ACER1: variants seen among roughly 807,000 people sequenced by gnomAD.
ACER1 encodes the protein CTB-180A7.3.
Under a neutral mutation model 24.9 loss-of-function variants are expected in ACER1, and 28 were observed. The ratio of observed to expected loss-of-function variants is 1.13; its 90% CI spans 0.83 to 1.54. The LOEUF (loss-of-function observed/expected upper bound fraction) is 1.54. ACER1 is among the 40% of genes most tolerant of loss of function. The pLI is 0.00. For missense variants in ACER1, 352 were observed against 349.3 expected (o/e 1.01, Z -0.06); for synonymous variants, 132 against 131.4 (o/e 1.00, Z -0.03).
intron 1 of ACER1, among the ~76,000 whole-genome samples, chr19:6,330,563 G>A (rs975946907): frequency 3.3e-5 from 5 of 149,778 alleles, no homozygotes; most frequent in African/African-American, 7.6e-5. Flanking sequence ...CTCCTGTCTC[G>A]ACCTTCCAAA....
At chr19:6,308,229 G>T (rs1600233213) in intron 4 of ACER1, among the ~76,000 whole-genome samples, 1 of 152,120 alleles carries the variant, frequency 6.6e-6, no homozygotes, top group Non-Finnish European at 1.5e-5. Context: ...GAGGTTAGGA[G>T]TTCGAGACCA....
At chr19:6,318,476 TAAATAAA>T (rs764480585) in intron 1 of ACER1, among the ~76,000 whole-genome samples, 25 of 143,842 alleles carry the variant, frequency 1.7e-4, no homozygotes, top group Non-Finnish European at 3.8e-4. Context: ...CCCCCCAAAA[TAAATAAA>T]AAATAAAAAA....
chr19:6,343,644 C>T, the ACER1 span: 2 of 152,826 alleles, frequency 1.3e-5, no homozygotes, highest in East Asian at 3.8e-4. Flanking sequence ...GGGCTTCCTC[C>T]CAACTTGTGG....
the ACER1 span, among the ~76,000 whole-genome samples, chr19:6,348,947 T>G: frequency 6.6e-6 from 1 of 151,984 alleles, no homozygotes; most frequent in African/African-American, 2.4e-5. Context: ...TCCCAGCTAC[T>G]CCAGAGGCTG....
intron 1 of ACER1, among the ~76,000 whole-genome samples, chr19:6,318,153 T>TA (rs1022278351): frequency 5.1e-4 from 75 of 147,384 alleles, no homozygotes; most frequent in Middle Eastern, 3.6e-3. Flanking sequence ...AACCCCGTCC[T>TA]AAAAAAAACA....
upstream of ACER1, among the ~76,000 whole-genome samples, chr19:6,334,802 C>T (rs561290227): frequency 1.6e-4 from 24 of 151,180 alleles, no homozygotes; most frequent in African/African-American, 5.3e-4. Context: ...AGCCCACTGC[C>T]TATGCTAGAG....
At chr19:6,355,666 T>C in the ACER1 span, among the ~76,000 whole-genome samples, 25 of 97,720 alleles carry the variant, frequency 2.6e-4, no homozygotes, top group African/African-American at 2.7e-4. Context: ...GTCCGGGAGG[T>C]GAGGGGCGCC....
chr19:6,337,969 G>A (rs916795439), upstream of ACER1, among the ~76,000 whole-genome samples: 1 of 151,270 alleles, frequency 6.6e-6, no homozygotes, highest in African/African-American at 2.4e-5. Flanking sequence ...GAGCCACCGC[G>A]CCCAGCCCCA....
chr19:6,334,307 G>A (rs1166333257), upstream of ACER1, among the ~76,000 whole-genome samples: 2 of 151,986 alleles, frequency 1.3e-5, no homozygotes, highest in Non-Finnish European at 2.9e-5. Flanking sequence ...GCCTCCCAAA[G>A]TGCTGGGATT....
At chr19:6,330,601 A>G (rs2091682482) in intron 1 of ACER1, among the ~76,000 whole-genome samples, 1 of 150,056 alleles carries the variant, frequency 6.7e-6, no homozygotes, top group South Asian at 2.1e-4. Context: ...GAGAGCCACC[A>G]TACCCAGCCT....
At chr19:6,317,294 A>G (rs2091608039) in intron 1 of ACER1, among the ~76,000 whole-genome samples, 2 of 152,140 alleles carry the variant, frequency 1.3e-5, no homozygotes, top group Admixed American at 1.3e-4. Flanking sequence ...CTTTATAGCA[A>G]CACAAACTGA....
chr19:6,345,488 TC>T, the ACER1 span, among the ~76,000 whole-genome samples: 1 of 151,784 alleles, frequency 6.6e-6, no homozygotes, highest in Non-Finnish European at 1.5e-5. Context: ...GGGAAAGCCC[TC>T]CCCTTGTTTT....
intron 5 of ACER1, 52 bp downstream of exon 5, chr19:6,307,101 A>G (rs763956739): frequency 5.9e-5 from 95 of 1,606,176 alleles, no homozygotes; most frequent in Non-Finnish European, 8.0e-5. Flanking sequence ...GAGCTTTGGC[A>G]TCTAAGATTC....
intron 1 of ACER1, among the ~76,000 whole-genome samples, chr19:6,312,704 C>A (rs1018900917): frequency 3.4e-4 from 48 of 139,452 alleles, no homozygotes; most frequent in Admixed American, 1.8e-3. Context: ...GTCTTGGAGT[C>A]TTGCTCTGTC....
chr19:6,318,793 AT>A (rs1185578423), intron 1 of ACER1, among the ~76,000 whole-genome samples: 1 of 149,148 alleles, frequency 6.7e-6, no homozygotes, highest in Non-Finnish European at 1.5e-5. Context: ...TTCAAAAAAA[AT>A]AAATAAATAA....
intron 1 of ACER1, among the ~76,000 whole-genome samples, chr19:6,317,193 C>T (rs1206649585): frequency 6.6e-6 from 1 of 152,070 alleles, no homozygotes; most frequent in Non-Finnish European, 1.5e-5. Flanking sequence ...AGGCTGTTTT[C>T]AAACTCCTGA....
the ACER1 span, among the ~76,000 whole-genome samples, chr19:6,347,718 T>C: frequency 9.2e-5 from 14 of 151,924 alleles, no homozygotes; most frequent in South Asian, 2.7e-3. Context: ...TGCCTGTAAT[T>C]CCGGCTACTC....
intron 1 of ACER1, among the ~76,000 whole-genome samples, chr19:6,329,732 A>C (rs1421986977): frequency 1.3e-5 from 2 of 151,976 alleles, no homozygotes; most frequent in Non-Finnish European, 2.9e-5. Context: ...TAGAGACAGG[A>C]TATTACTCTG....
At chr19:6,320,094 TTCTG>T (rs1406186737) in intron 1 of ACER1, among the ~76,000 whole-genome samples, 2 of 134,644 alleles carry the variant, frequency 1.5e-5, no homozygotes, top group African/African-American at 5.4e-5. Flanking sequence ...CAGAGAGAGA[TTCTG>T]TCTCAAAAAA....
Sources: allele counts gnomAD v4.1 joint callset (sites outside exome capture counted in the v4.1 genomes callset), GRCh38; gene constraint gnomAD v4.1.1; transcripts MANE v1.5; gene names NCBI Gene and HGNC (gene_info 2026-07-23, HGNC 2026-07-21).